UMAD1: variants seen among roughly 807,000 people sequenced by gnomAD.
UMAD1 encodes UBAP1-MVB12-associated (UMA)-domain containing protein 1.
Under a neutral mutation model 6.1 loss-of-function variants are expected in UMAD1, and 8 were observed. The ratio of observed to expected loss-of-function variants is 1.30; its 90% confidence interval spans 0.76 to 2.35. The LOEUF (loss-of-function observed/expected upper bound fraction) is 2.35, where lower values mean the gene tolerates loss of function less well. Ranked by LOEUF, UMAD1 falls within the 30% of genes most tolerant of loss-of-function variation. The pLI is 0.00. For synonymous variants in UMAD1, 56 were observed against 31.4 expected (o/e 1.78, Z -2.61); for missense variants, 130 against 78.4 (o/e 1.66, Z -2.49).
intron 3 of UMAD1, among the ~76,000 whole-genome samples, chr7:7,828,930 ATAT>A (rs1783404473): frequency 1.3e-5 from 2 of 152,304 alleles, no homozygotes; most frequent in Admixed American, 6.5e-5. Context: ...ATTGACAATA[ATAT>A]TATCTTAAAT....
At chr7:7,744,283 T>G (rs147280904) in intron 2 of UMAD1, among the ~76,000 whole-genome samples, 12 of 152,340 alleles carry the variant, frequency 7.9e-5, no homozygotes, top group African/African-American at 7.2e-5. Flanking sequence ...TAATATCCCA[T>G]TGTACGGCTA....
At chr7:7,798,562 A>G (rs2115271602) in intron 2 of UMAD1, among the ~76,000 whole-genome samples, 1 of 152,346 alleles carries the variant, frequency 6.6e-6, no homozygotes, top group South Asian at 2.1e-4. Flanking sequence ...GGCCTATAGA[A>G]GCAAAAAGGA....
At chr7:7,865,001 C>T (rs61267965) in intron 3 of UMAD1, among the ~76,000 whole-genome samples, 70,415 of 152,046 alleles carry the variant, frequency 0.46, 16,925 homozygotes, top group African/African-American at 0.57. Context: ...GGCGAGGTCC[C>T]GGAAGGGGTG....
chr7:7,813,602 T>TAA (rs56902993), intron 3 of UMAD1, among the ~76,000 whole-genome samples: 20 of 151,674 alleles, frequency 1.3e-4, no homozygotes, highest in Admixed American at 4.6e-4. Flanking sequence ...CCATTTACAT[T>TAA]AAAAAAAAGC....
chr7:7,817,333 C>T (rs1783151325), intron 3 of UMAD1, among the ~76,000 whole-genome samples: 1 of 152,176 alleles, frequency 6.6e-6, no homozygotes, highest in African/African-American at 2.4e-5. Flanking sequence ...CATGCATCAG[C>T]CACTCAATAA....
intron 3 of UMAD1, among the ~76,000 whole-genome samples, chr7:7,831,091 G>A (rs559560236): frequency 6.6e-6 from 1 of 152,092 alleles, no homozygotes. Flanking sequence ...TTATTTGTAT[G>A]AAGTTAGATA....
intron 3 of UMAD1, among the ~76,000 whole-genome samples, chr7:7,819,114 T>A (rs959629550): frequency 7.9e-5 from 12 of 152,152 alleles, no homozygotes; most frequent in African/African-American, 2.9e-4. Context: ...CCTCCCAAAG[T>A]GCTGGGATTA....
intron 2 of UMAD1, among the ~76,000 whole-genome samples, chr7:7,697,661 C>CAT (rs1780353690): frequency 6.6e-6 from 1 of 152,154 alleles, no homozygotes; most frequent in South Asian, 2.1e-4. Context: ...ATTCATGTGA[C>CAT]ATTGGCACCC....
intron 3 of UMAD1, among the ~76,000 whole-genome samples, chr7:7,847,097 AAAAAAAAATATATATATATATATAT>A (rs1212713341): frequency 2.0e-5 from 1 of 48,876 alleles, no homozygotes; most frequent in Non-Finnish European, 3.4e-5. Context: ...CAAAAAAAAA[AAAAAAAAATATATATATATATATAT>A]ATATATATAT....
intron 1 of UMAD1, among the ~76,000 whole-genome samples, chr7:7,663,841 C>G (rs1012996): frequency 2.6e-5 from 4 of 151,960 alleles, no homozygotes; most frequent in Non-Finnish European, 4.4e-5. Context: ...TTTTATACAA[C>G]TGATCTCCTA....
chr7:7,769,038 G>C (rs1782049856), intron 2 of UMAD1, among the ~76,000 whole-genome samples: 1 of 152,182 alleles, frequency 6.6e-6, no homozygotes, highest in South Asian at 2.1e-4. Flanking sequence ...AATTTCTGAA[G>C]TCTGAATCAA....
intron 3 of UMAD1, among the ~76,000 whole-genome samples, chr7:7,828,878 A>G (rs1783403427): frequency 6.6e-6 from 1 of 152,188 alleles, no homozygotes; most frequent in African/African-American, 2.4e-5. Context: ...TGAATGTCAA[A>G]TTCAAAAGTT....
intron 2 of UMAD1, chr7:7,772,349 G>A (rs1291721256): frequency 1.3e-5 from 2 of 152,150 alleles, no homozygotes; most frequent in South Asian, 4.1e-4. Flanking sequence ...CTCCACATAC[G>A]GTATGTTCTT....
At chr7:7,791,186 C>G (rs1156921936) in intron 2 of UMAD1, among the ~76,000 whole-genome samples, 2 of 152,356 alleles carry the variant, frequency 1.3e-5, no homozygotes, top group East Asian at 3.9e-4. Context: ...CTGTGCCCAG[C>G]TGGAGCATAT....
intron 2 of UMAD1, among the ~76,000 whole-genome samples, chr7:7,694,508 A>T (rs1273429658): frequency 6.6e-6 from 1 of 152,038 alleles, no homozygotes; most frequent in East Asian, 1.9e-4. Flanking sequence ...GTACCCATTA[A>T]CCATCTCCAT....
intron 3 of UMAD1, among the ~76,000 whole-genome samples, chr7:7,852,797 T>C (rs552890153): frequency 6.6e-6 from 1 of 152,272 alleles, no homozygotes; most frequent in African/African-American, 2.4e-5. Flanking sequence ...GCAGACATCC[T>C]TGGATAGACA....
intron 2 of UMAD1, among the ~76,000 whole-genome samples, chr7:7,701,074 A>G (rs569312510): frequency 3.0e-4 from 45 of 152,304 alleles, no homozygotes; most frequent in African/African-American, 1.0e-3. Flanking sequence ...AAGTCATACA[A>G]GTATAATTCA....
intron 2 of UMAD1, among the ~76,000 whole-genome samples, chr7:7,717,345 C>T (rs966090874): frequency 6.6e-6 from 1 of 152,182 alleles, no homozygotes; most frequent in Non-Finnish European, 1.5e-5. Flanking sequence ...GCATAAGCCA[C>T]CTCGCCCAGC....
chr7:7,851,764 A>G (rs1007158611), intron 3 of UMAD1, among the ~76,000 whole-genome samples: 10 of 152,196 alleles, frequency 6.6e-5, no homozygotes, highest in African/African-American at 2.4e-4. Flanking sequence ...TTTCTAAAAA[A>G]TATATTCTAG....
Sources: gnomAD v4.1 joint callset for allele counts (sites outside exome capture counted in the v4.1 genomes callset) on GRCh38, gnomAD v4.1.1 for gene constraint, MANE v1.5 for transcripts, NCBI Gene and HGNC (gene_info 2026-07-23, HGNC 2026-07-21) for gene names.